The following PDE10A variants were observed in gnomAD, a reference collection of about 807,000 sequenced individuals.
PDE10A encodes phosphodiesterase 10A, also known as cAMP and cAMP-inhibited cGMP 3',5'-cyclic phosphodiesterase 10A.
PDE10A carries 39 observed loss-of-function variants against 97.7 expected under a neutral mutation model. The ratio of observed to expected loss-of-function variants is 0.40; its 90% CI spans 0.31 to 0.52. The LOEUF (loss-of-function observed/expected upper bound fraction) is 0.52. Among genes scored for constraint, PDE10A ranks in the 20% least tolerant of loss-of-function variants. The probability of loss-of-function intolerance (pLI) is 0.56; values close to 1 mark genes in which losing one functional copy is unlikely to be tolerated. For synonymous variants in PDE10A, 371 were observed against 376.8 expected, an observed-to-expected ratio of 0.98 and a Z score of 0.18; for missense variants, 731 against 1,047.8, an observed-to-expected ratio of 0.70 and a Z score of 4.17.
chr6:165,583,609 T>C (rs1261628341), intron 1 of PDE10A, among the ~76,000 whole-genome samples: 1 of 152,218 alleles, frequency 6.6e-6, no homozygotes, highest in Admixed American at 6.5e-5. Context: ...GATCATGGAA[T>C]TCACTGTTCA....
At chr6:165,656,236 ACT>A (rs750085509) in intron 1 of PDE10A, among the ~76,000 whole-genome samples, 264 of 125,986 alleles carry the variant, frequency 2.1e-3, no homozygotes, top group Admixed American at 3.4e-3. Flanking sequence ...TCCAACCCCA[ACT>A]CTCTCTCTCT....
At chr6:165,770,935 G>A (rs914330398) in intron 1 of PDE10A, among the ~76,000 whole-genome samples, 9 of 152,150 alleles carry the variant, frequency 5.9e-5, no homozygotes, top group Non-Finnish European at 1.0e-4. Context: ...CCTGTAAACG[G>A]TATCTTTTCT....
At chr6:165,632,714 G>A (rs1018584965) in intron 1 of PDE10A, among the ~76,000 whole-genome samples, 3 of 152,190 alleles carry the variant, frequency 2.0e-5, no homozygotes, top group Non-Finnish European at 2.9e-5. Flanking sequence ...TGAAGCGGCC[G>A]TGGAGAAACC....
At chr6:165,938,555 C>A (rs1010664456) in intron 1 of PDE10A, among the ~76,000 whole-genome samples, 9 of 152,158 alleles carry the variant, frequency 5.9e-5, no homozygotes, top group Admixed American at 5.2e-4. Context: ...GGGCCCTTAT[C>A]CTTGGGATTC....
chr6:165,686,663 C>A (rs1791129200), intron 1 of PDE10A, among the ~76,000 whole-genome samples: 1 of 152,232 alleles, frequency 6.6e-6, no homozygotes, highest in Non-Finnish European at 1.5e-5. Context: ...TGTATGGGTT[C>A]TTTTGCTTCC....
chr6:165,977,872 A>G (rs1436534237), intron 1 of PDE10A, among the ~76,000 whole-genome samples: 1 of 152,240 alleles, frequency 6.6e-6, no homozygotes, highest in Non-Finnish European at 1.5e-5. Context: ...AAAAACAAGT[A>G]AATTGTGGAA....
chr6:165,836,586 T>C (rs1435870441), intron 1 of PDE10A, among the ~76,000 whole-genome samples: 1 of 152,230 alleles, frequency 6.6e-6, no homozygotes, highest in Middle Eastern at 3.2e-3. Context: ...GTCTTCCAGA[T>C]GGGTCATTCA....
In PDE10A at chr6:165,431,481, A is replaced by C; in HGVS notation, c.1492-9T>G. 6.4e-7 allele frequency: 1 copy of C among 1,554,656 alleles called. No homozygotes were observed. On this transcript the variant is annotated splice_polypyrimidine_tract_variant and intron_variant, in intron 7 of 21. Transcript: ENST00000539869. ...AGATTTGCTGTTGCAACCTAAAAAA[A>C]ACAAGAAATACATACCTATAAGTAA...
intron 1 of PDE10A, among the ~76,000 whole-genome samples, chr6:165,738,014 A>AT (rs1554314494): frequency 4.6e-5 from 7 of 151,474 alleles, no homozygotes; most frequent in Non-Finnish European, 8.8e-5. Flanking sequence ...ATTTTATTTT[A>AT]TTTTTTTATT....
chr6:165,734,664 G>A (rs960313593), intron 1 of PDE10A, among the ~76,000 whole-genome samples: 5 of 152,136 alleles, frequency 3.3e-5, no homozygotes, highest in African/African-American at 1.2e-4. Flanking sequence ...TGGGACTGAG[G>A]CGTCCCCAGA....
chr6:165,456,236 A>G (rs1464934153), intron 3 of PDE10A, among the ~76,000 whole-genome samples: 3 of 152,240 alleles, frequency 2.0e-5, no homozygotes, highest in Admixed American at 6.5e-5. Flanking sequence ...GAGCCAAACA[A>G]TAGTGAGAGA....
chr6:165,606,808 C>T (rs138136767), intron 1 of PDE10A, among the ~76,000 whole-genome samples: 4 of 151,946 alleles, frequency 2.6e-5, no homozygotes, highest in Non-Finnish European at 4.4e-5. Context: ...CCATGGAGTG[C>T]GTGCAGTGCG....
intron 1 of PDE10A, among the ~76,000 whole-genome samples, chr6:165,574,221 A>G (rs1341893696): frequency 6.6e-6 from 1 of 152,158 alleles, no homozygotes; most frequent in East Asian, 1.9e-4. Context: ...ATAAATGTCA[A>G]AGTTGTAGTC....
chr6:165,782,054 A>G (rs1778355944), intron 1 of PDE10A: 1 of 152,266 alleles, frequency 6.6e-6, no homozygotes. Context: ...ACCCAAGAAT[A>G]TGAGAATGAA....
At chr6:165,380,087 A>G (rs576501324) in intron 17 of PDE10A, among the ~76,000 whole-genome samples, 1 of 152,234 alleles carries the variant, frequency 6.6e-6, no homozygotes, top group African/African-American at 2.4e-5. Context: ...TCGTGTATTA[A>G]TCTTTTAAAA....
intron 1 of PDE10A, among the ~76,000 whole-genome samples, chr6:165,929,131 A>C (rs1385090479): frequency 6.6e-6 from 1 of 152,194 alleles, no homozygotes; most frequent in Non-Finnish European, 1.5e-5. Context: ...AATAGCATTC[A>C]CCAAGAAATG....
chr6:165,715,253 C>A (rs909557387), intron 1 of PDE10A, among the ~76,000 whole-genome samples: 1 of 152,182 alleles, frequency 6.6e-6, no homozygotes, highest in Admixed American at 6.5e-5. Flanking sequence ...ACACACAGGT[C>A]TGGGATAAAC....
chr6:165,696,889 C>G (rs1791456310), intron 1 of PDE10A, among the ~76,000 whole-genome samples: 1 of 151,988 alleles, frequency 6.6e-6, no homozygotes, highest in Non-Finnish European at 1.5e-5. Context: ...GTACAAAGCA[C>G]AATAACTAAA....
At chr6:165,333,348 C>T (rs989723278) in intron 21 of PDE10A, among the ~76,000 whole-genome samples, 2 of 152,174 alleles carry the variant, frequency 1.3e-5, no homozygotes, top group Admixed American at 1.3e-4. Context: ...CTTGGTCCAT[C>T]CGCTCTGGAC....
Sources: gnomAD v4.1 joint callset for allele counts (sites outside exome capture counted in the v4.1 genomes callset) on GRCh38, gnomAD v4.1.1 for gene constraint, MANE v1.5 for transcripts, NCBI Gene and HGNC (gene_info 2026-07-23, HGNC 2026-07-21) for gene names.